Variants in CYP2D6 observed in about 807,000 individuals in gnomAD.
The protein encoded by CYP2D6 is cytochrome P450 family 2 subfamily D member 6 (gene/pseudogene).
CYP2D6 carries 51 observed loss-of-function variants against 43.5 expected under a neutral mutation model. The observed-to-expected ratio is 1.17, with a 90% CI of 0.94 to 1.48. CYP2D6 has a LOEUF of 1.48. Among genes scored for constraint, CYP2D6 ranks in the 40% most tolerant of loss-of-function variants. The pLI, the probability that CYP2D6 is intolerant of heterozygous loss-of-function variation, is 0.00. For missense variants in CYP2D6, 698 were observed against 688.0 expected (o/e 1.01, Z -0.16); for synonymous variants, 346 against 297.1 (o/e 1.16, Z -1.69).
intron 2 of CYP2D6, 184 bp from the exon 3 acceptor site, chr22:42,129,369 G>C: frequency 1.1e-6 from 1 of 915,302 alleles, no homozygotes; most frequent in African/African-American, 1.6e-5. Context: ...GCCCCACCTC[G>C]TCTCTGCCCA....
rs146975259 is a variant in CYP2D6, at chr22:42,128,885, G to A, written c.565C>T (p.Leu189Phe). 1.2e-5 allele frequency: 19 copies of A among 1,598,272 alleles called. No homozygotes were observed. In the East Asian group the frequency reaches 1.4e-4, roughly 11 times the overall value. ...TACTCGAAGCGGCGCCCGCAGGTGA[G>A]GGAGGCGATCACGTTGCTCACGGCT... ...DKAVSNVIAS[L>F]TCGRRFEYDD... The change falls in exon 4 of 9, where the codon CTC (leucine) becomes TTC (phenylalanine). Residue 189 changes from leucine to phenylalanine, a missense_variant. Transcript: ENST00000645361.
At position 42,127,602 on chromosome 22, in the gene CYP2D6, C is replaced by G. The variant is rs566108360; in HGVS notation, c.1018G>C (p.Gly340Arg). 1.9e-6 allele frequency: 3 copies of G among 1,611,970 alleles called. No homozygotes were observed. The highest frequency in any genetic ancestry group is 1.7e-5 in the Admixed American group (1 of 59,946). ...RVQQEIDDVI[G>R]QVRRPEMGDQ... ...CCCATCTCTGGTCGCCGCACCTGCC[C>G]TATCACGTCGTCGATCTCCTGTTGG... is the stretch of plus-strand genomic sequence containing the variant. The change falls in exon 7 of 9, where the codon GGG becomes CGG. Residue 340 changes from glycine to arginine, a missense_variant. This residue lies in a region of CYP2D6 where 588 missense variants were observed against 521.1 expected (regional missense o/e 1.13). Transcript: ENST00000645361.
intron 2 of CYP2D6, chr22:42,129,394 G>A (rs773399888): frequency 2.4e-6 from 2 of 834,926 alleles, no homozygotes; most frequent in Non-Finnish European, 3.9e-6. Flanking sequence ...GACCGCCTTT[G>A]CACTCAGGGA....
Position 42,129,754 on chromosome 22 carries a change from G to A in CYP2D6, c.336C>T (p.Phe112=), listed in dbSNP as rs1081003. Residue 112 remains phenylalanine, a synonymous_variant, in exon 2 of 9, where the codon TTC becomes TTT. Transcript: ENST00000645361. ...PPVPITQILG[F]GPRSQGVFLA... is the part of the protein sequence containing the mutation. ...GCTGCTTGCCTTGGGAACGCGGCCCGAAACCCAGGATCTGGGTGATGGGCA... is the reference window on the plus strand; with the variant it reads ...GCTGCTTGCCTTGGGAACGCGGCCCAAAACCCAGGATCTGGGTGATGGGCA... The A allele has an allele frequency of 0.046, 73,482 of 1,609,512 alleles. 8,957 individuals carry two copies. In the East Asian group the frequency reaches 0.49, roughly 11 times the overall value.
Position 42,126,752 on chromosome 22 carries a change from C to T in CYP2D6, c.1316G>A (p.Gly439Asp), listed in dbSNP as rs569439709. ...GGGCTCCCCGAGGCATGCACGGCGG[C>T]CTGTGGGGAGGGGAGGGGCGTCAGT... ...KPEAFLPFSAGRRACLGEPLA... is the reference protein window; with the variant it reads ...KPEAFLPFSADRRACLGEPLA... Residue 439 changes from glycine (G) to aspartate (D), a missense_variant and splice_region_variant, in exon 9 of 9, where the codon GGC becomes GAC. This residue lies in a region of CYP2D6 where 85 missense variants were observed against 81.2 expected (regional missense o/e 1.05). Transcript: ENST00000645361. 410 of 1,549,150 alleles carry T rather than the reference C, an allele frequency of 2.6e-4. 23 individuals are homozygous for T. In the South Asian group the frequency reaches 4.7e-3, roughly 18 times the overall value.
chr22:42,130,355 T>C (rs1287158865), intron 1 of CYP2D6: 1 of 584,412 alleles, frequency 1.7e-6, no homozygotes, highest in African/African-American at 2.1e-5. Context: ...CTCCATAACA[T>C]ATGTTGCCCA....
Position 42,128,175 on chromosome 22 carries a change from T to G in CYP2D6, c.842A>C (p.Lys281Thr), listed in dbSNP as rs1734024989. The G allele has an allele frequency of 1.3e-6, 2 of 1,528,590 alleles. No homozygotes were observed. The highest frequency in any genetic ancestry group is 1.8e-6 in the Non-Finnish European group (2 of 1,106,662). The allele number at this position is 1,528,590 out of a possible 1,614,324, so 94.7% of individuals were successfully genotyped here. The stretch of plus-strand genomic sequence containing the variant: ...CCCCACCGTGGCAGCCACTCTCACC[T>G]TCTCCATCTCTGCCAGGAAGGCCTC... ...LTEAFLAEME[K>T]AKGNPESSFN... The change falls in exon 5 of 9, where the codon AAG becomes ACG. Residue 281 changes from lysine (K) to threonine (T), a missense_variant and splice_region_variant. By Grantham distance (78) the Lys-to-Thr change is moderately conservative. Around this residue, in one of 5 missense-constraint regions of CYP2D6, gnomAD observed 588 missense variants for 521.1 expected, o/e 1.13. Transcript: ENST00000645361.
rs776579446 is a variant in CYP2D6, at chr22:42,128,233, A to G, written c.784T>C (p.Trp262Arg). The G allele has an allele frequency of 1.2e-6, 2 of 1,610,310 alleles. No homozygotes were observed. The highest frequency in any genetic ancestry group is 1.7e-6 in the Non-Finnish European group (2 of 1,177,878). The change falls in exon 5 of 9, where the codon TGG becomes CGG. Residue 262 changes from tryptophan to arginine, a missense_variant. Physicochemically the swap from Trp to Arg is moderately radical, Grantham distance 101 (BLOSUM62 -3). Coordinates refer to ENST00000645361, the MANE Select transcript of CYP2D6 (RefSeq NM_000106.6). ...TCTCGGGGGGGCTGGGCTGGGTCCC[A>G]GGTCATCCTGTGCTCAGTTAGCAGC... is the stretch of plus-strand genomic sequence containing the variant. ...DELLTEHRMTWDPAQPPRDLT... is the reference protein window; with the variant it reads ...DELLTEHRMTRDPAQPPRDLT...
rs1167516686 is a variant in CYP2D6, at chr22:42,127,955, T to C, written c.872A>G (p.Asn291Ser). 5.6e-6 allele frequency: 9 copies of C among 1,611,218 alleles called. No individual in the cohort carries two copies. Among genetic ancestry groups the C allele is most frequent in the East Asian group, 2.2e-5 (1 of 44,754 alleles). The change falls in exon 6 of 9, where the codon AAT (asparagine) becomes AGT (serine). Residue 291 changes from asparagine to serine, a missense_variant. Coordinates refer to ENST00000645361, the MANE Select transcript of CYP2D6 (RefSeq NM_000106.6). ...KAKGNPESSFNDENLRIVVAD... is the reference protein window; with the variant it reads ...KAKGNPESSFSDENLRIVVAD... ...CACCACTATGCGCAGGTTCTCATCA[T>C]TGAAGCTGCTCTCAGGGTTCCCCTT...
At chr22:42,129,373 C>G in intron 2 of CYP2D6, 188 bp from the exon 3 acceptor site, 1 of 895,962 alleles carries the variant, frequency 1.1e-6, no homozygotes, top group Non-Finnish European at 1.8e-6. Flanking sequence ...CACCTCGTCT[C>G]TGCCCACCCT....
rs771422993 is a variant in CYP2D6, at chr22:42,127,932, C to A, written c.895G>T (p.Val299Leu). ...ATCCCGGCAGAGAACAGGTCAGCCA[C>A]CACTATGCGCAGGTTCTCATCATTG... The part of the protein sequence containing the change: ...SFNDENLRIV[V>L]ADLFSAGMVT... Residue 299 changes from valine (V) to leucine (L), a missense_variant, in exon 6 of 9, where the codon GTG becomes TTG. Coordinates refer to ENST00000645361, the MANE Select transcript of CYP2D6 (RefSeq NM_000106.6). 10 of 1,611,190 alleles carry A rather than the reference C, an allele frequency of 6.2e-6. No individual in the cohort carries two copies. The South Asian group carries it at 9.9e-5, about 16-fold the overall frequency.
chr22:42,127,665 A>G, intron 6 of CYP2D6, 31 bp from the exon 7 acceptor site: 1 of 1,605,202 alleles, frequency 6.2e-7, no homozygotes, highest in African/African-American at 1.3e-5. Flanking sequence ...ACAATGGGTC[A>G]GCACCCAGGG....
Position 42,128,753 on chromosome 22 carries a change from T to C in CYP2D6, c.666+31A>G, listed in dbSNP as rs564994275. On this transcript the variant is annotated intron_variant, in intron 4 of 8. Coordinates refer to ENST00000645361, the MANE Select transcript of CYP2D6 (RefSeq NM_000106.6). ...CCCGGCACCTCTCGGGAGCTCGCCC[T>C]GCAGAGACTCCTCGGTCTCTCGCTC... 3.1e-6 allele frequency: 5 copies of C among 1,592,892 alleles called. 1 individual carries two copies. Among genetic ancestry groups the C allele is most frequent in the Non-Finnish European group, 4.3e-6 (5 of 1,168,944 alleles).
rs768668762 is a variant in CYP2D6 at position 42,129,043 on chromosome 22, G to A, written c.495C>T (p.Ala165=). Residue 165 remains alanine (A), a synonymous_variant, in exon 3 of 9, where the codon GCC becomes GCT. Transcript: ENST00000645361. ...EEAACLCAAF[A]NHSGRPFRPN... ...CTGCCCATCACCCACCGGAGTGGTT[G>A]GCGAAGGCGGCACAAAGGCAGGCGG... The A allele has an allele frequency of 1.1e-4, 183 of 1,606,884 alleles. 9 individuals carry two copies. Among genetic ancestry groups the A allele is most frequent in the Non-Finnish European group, 1.5e-4 (176 of 1,176,650 alleles).
At position 42,129,784 on chromosome 22, in the gene CYP2D6, C is replaced by G. The variant is rs371794540; in HGVS notation, c.306G>C (p.Pro102=). ...VTHGEDTADR[P]PVPITQILGF... is the part of the protein sequence containing the mutation. ...CCAGGATCTGGGTGATGGGCACAGG[C>G]GGGCGGTCGGCGGTGTCCTCGCCGT... The change falls in exon 2 of 9, where the codon CCG becomes CCC. Residue 102 remains proline, a synonymous_variant. Coordinates refer to ENST00000645361, the MANE Select transcript of CYP2D6 (RefSeq NM_000106.6). The G allele has an allele frequency of 8.1e-6, 13 of 1,608,196 alleles. 1 individual carries two copies. Among genetic ancestry groups the G allele is most frequent in the Non-Finnish European group, 7.6e-6 (9 of 1,177,890 alleles).
At chr22:42,128,557 G>A (rs1169696662) in intron 4 of CYP2D6, among the ~76,000 whole-genome samples, 4 of 150,796 alleles carry the variant, frequency 2.7e-5, no homozygotes, top group Non-Finnish European at 5.9e-5. Flanking sequence ...TGGATAGGAG[G>A]TACAGAGTCC....
rs1931984526 is a variant in CYP2D6 at position 42,130,621 on chromosome 22, GCAGTATGGT to G, written c.162_170del (p.Pro55_Cys57del). On this transcript the variant is annotated inframe_deletion, in exon 1 of 9. Coordinates refer to ENST00000645361, the MANE Select transcript of CYP2D6 (RefSeq NM_000106.6). The stretch of plus-strand genomic sequence containing the variant: ...GGACCTCCTCCCTCACCTGGTCGAA[GCAGTATGGT>G]GTGTTCTGGAAGTCCACATGCAGCA... The G allele has an allele frequency of 6.2e-7, 1 of 1,603,678 alleles. No homozygotes were observed. The highest frequency in any genetic ancestry group is 1.4e-5 in the African/African-American group (1 of 72,896).
At chr22:42,129,713 T>A in intron 2 of CYP2D6, 25 bp downstream of exon 2, 1 of 1,608,946 alleles carries the variant, frequency 6.2e-7, no homozygotes, top group South Asian at 1.1e-5. Flanking sequence ...CACGGAAATC[T>A]GTCTCTGTCC....
rs768726712 is a variant in CYP2D6, at chr22:42,128,229, T to G, written c.788A>C (p.Asp263Ala). The stretch of plus-strand genomic sequence containing the variant: ...CAGGTCTCGGGGGGGCTGGGCTGGG[T>G]CCCAGGTCATCCTGTGCTCAGTTAG... Reference protein sequence around the residue: ...ELLTEHRMTWDPAQPPRDLTE... With the variant: ...ELLTEHRMTWAPAQPPRDLTE... The change falls in exon 5 of 9, where the codon GAC becomes GCC. Residue 263 changes from aspartate to alanine, a missense_variant. Physicochemically the swap from Asp to Ala is moderately radical, Grantham distance 126. Transcript: ENST00000645361. 13 of 1,609,870 alleles carry G rather than the reference T, an allele frequency of 8.1e-6. No homozygotes were observed. The African/African-American group carries it at 1.4e-4, about 17-fold the overall frequency.
Sources: allele counts gnomAD v4.1 joint callset (sites outside exome capture counted in the v4.1 genomes callset), GRCh38; gene constraint gnomAD v4.1.1; regional missense constraint gnomAD v4.1.1; transcripts MANE v1.5; gene names NCBI Gene and HGNC (gene_info 2026-07-23, HGNC 2026-07-21).